The following PCDHGB1 variants were observed in gnomAD, a reference collection of about 807,000 sequenced individuals.
PCDHGB1 encodes protocadherin gamma subfamily B, 1, also known as protocadherin gamma-B1.
Under a neutral mutation model 56.6 loss-of-function variants are expected in PCDHGB1, and 34 were observed. The observed-to-expected ratio is 0.60, with a 90% CI of 0.46 to 0.80. The LOEUF is 0.80. Among genes scored for constraint, PCDHGB1 ranks in the 30% least tolerant of loss-of-function variants. The pLI, the probability that PCDHGB1 is intolerant of heterozygous loss-of-function variation, is 0.00. For synonymous variants in PCDHGB1, 561 were observed against 505.9 expected (o/e 1.11, Z -1.46); for missense variants, 1,278 against 1,204.6 (o/e 1.06, Z -0.90).
intron 1 of PCDHGB1, chr5:141,424,133 T>C: frequency 2.2e-6 from 1 of 450,350 alleles, no homozygotes; most frequent in South Asian, 9.6e-5. Flanking sequence ...GTTGATTTAA[T>C]AGCATGCTCC....
In PCDHGB1 at chr5:141,512,517, A is replaced by G. The variant is rs985434754; in HGVS notation, c.*1344A>G. ...GTCCCCAGTGCGCCCCCTAGTGGCC[A>G]TAGCCTGGTTAAAGTTCCCCAGTGC... On this transcript the variant is annotated 3_prime_UTR_variant, in exon 4 of 4. Coordinates refer to ENST00000523390, the MANE Select transcript of PCDHGB1 (RefSeq NM_018922.3). 3 of 152,938 alleles carry G rather than the reference A, an allele frequency of 2.0e-5. No individual in the cohort carries two copies. Among genetic ancestry groups the G allele is most frequent in the African/African-American group, 7.2e-5 (3 of 41,464 alleles). 9.5% of individuals were successfully genotyped at this position (152,938 alleles called of 1,614,324 possible).
chr5:141,468,463 T>G (rs574151637), intron 1 of PCDHGB1: 6 of 152,282 alleles, frequency 3.9e-5, no homozygotes, highest in African/African-American at 1.4e-4. Flanking sequence ...AGCAAGTTAT[T>G]TCTGAGGAGA....
chr5:141,485,563 C>A lies in PCDHGB1; in HGVS notation c.2410-9244C>A. 2 of 1,612,904 alleles carry A rather than the reference C, an allele frequency of 1.2e-6. No individual in the cohort carries two copies. The highest frequency in any genetic ancestry group is 1.7e-6 in the Non-Finnish European group (2 of 1,179,034). ...AGATCGTAGATGTGAATGATCACGC[C>A]CCCCGTTTTCCGCGGCAGCAGCTGG... On this transcript the variant is annotated intron_variant, in intron 1 of 3. Coordinates refer to ENST00000523390, the MANE Select transcript of PCDHGB1 (RefSeq NM_018922.3). This position sits in a 1 kb window ranked among gnomAD's most constrained non-coding sequence, Gnocchi z 5.7.
intron 1 of PCDHGB1, chr5:141,393,024 A>G (rs755325492): frequency 6.2e-7 from 1 of 1,613,834 alleles, no homozygotes; most frequent in East Asian, 2.2e-5. Context: ...CTCCAGAGGT[A>G]GGACGCAGCT....
intron 1 of PCDHGB1, chr5:141,383,907 A>G: frequency 6.2e-7 from 1 of 1,613,958 alleles, no homozygotes; most frequent in Non-Finnish European, 8.5e-7. Flanking sequence ...TACTGATCAC[A>G]GTTTTAGATG....
rs985430498 is a variant in PCDHGB1 at position 141,387,945 on chromosome 5, C to T, written c.2409+35276C>T. The T allele has an allele frequency of 4.0e-6, 6 of 1,484,034 alleles. No homozygotes were observed. The African/African-American group carries it at 8.5e-5, about 21-fold the overall frequency. The allele number at this position is 1,484,034 out of a possible 1,614,324, so 91.9% of individuals were successfully genotyped here. A position where few individuals can be genotyped will look rare whatever the true frequency, so the allele number is the denominator to read the frequency against. On this transcript the variant is annotated intron_variant, in intron 1 of 3. Coordinates refer to ENST00000523390, the MANE Select transcript of PCDHGB1 (RefSeq NM_018922.3). ...GAGGCTGCCAGTGCTCTTTCTCTTC[C>T]TGCTGTCTTTGTTCTGCCCGGCGCT...
At chr5:141,383,544 T>A (rs1273578608) in intron 1 of PCDHGB1, 21 of 1,612,498 alleles carry the variant, frequency 1.3e-5, no homozygotes, top group Non-Finnish European at 1.8e-5. Context: ...TCACAGCCTC[T>A]GATGGCGGCG....
intron 1 of PCDHGB1, chr5:141,370,622 C>T: frequency 1.9e-6 from 3 of 1,613,902 alleles, no homozygotes; most frequent in Non-Finnish European, 2.5e-6. Context: ...AATTCTTTAC[C>T]GTGAGCCCCG....
chr5:141,384,818 A>G, intron 1 of PCDHGB1: 1 of 1,613,488 alleles, frequency 6.2e-7, no homozygotes, highest in East Asian at 2.2e-5. Context: ...GCCCTCAAGC[A>G]GAGCCTCGTG....
rs1758505116 is a variant in PCDHGB1, at chr5:141,350,563, A to G, written c.303A>G (p.Leu101=). ...KICGRKLECA[L]EFETVAENPM... The stretch of plus-strand genomic sequence containing the variant: ...GCGGAAGGAAACTTGAGTGTGCACT[A>G]GAATTCGAAACGGTCGCTGAAAACC... The change falls in exon 1 of 4, where the codon CTA becomes CTG. Residue 101 remains leucine, a synonymous_variant. Coordinates refer to ENST00000523390, the MANE Select transcript of PCDHGB1 (RefSeq NM_018922.3). 10 of 1,614,080 alleles carry G rather than the reference A, an allele frequency of 6.2e-6. No individual in the cohort carries two copies. The highest frequency in any genetic ancestry group is 8.5e-6 in the Non-Finnish European group (10 of 1,179,892).
intron 1 of PCDHGB1, chr5:141,399,985 G>A (rs775731140): frequency 6.2e-7 from 1 of 1,612,396 alleles, no homozygotes; most frequent in South Asian, 1.1e-5. Flanking sequence ...GCTGCGCACA[G>A]GAGAGGTGCG....
intron 1 of PCDHGB1, chr5:141,364,748 G>A: frequency 1.2e-6 from 2 of 1,613,978 alleles, no homozygotes; most frequent in South Asian, 1.1e-5. Flanking sequence ...AGAGTTAAAA[G>A]TAAAAGTTAA....
chr5:141,384,973 T>C, intron 1 of PCDHGB1: 1 of 1,613,956 alleles, frequency 6.2e-7, no homozygotes, highest in Non-Finnish European at 8.5e-7. Flanking sequence ...CCTCACGTTG[T>C]ACCTGGTGGT....
intron 1 of PCDHGB1, among the ~76,000 whole-genome samples, chr5:141,453,080 A>T (rs1323212808): frequency 6.6e-6 from 1 of 151,960 alleles, no homozygotes; most frequent in Non-Finnish European, 1.5e-5. Context: ...ACTCTGGTTG[A>T]TTAGTATATT....
intron 1 of PCDHGB1, chr5:141,383,141 G>A (rs781049830): frequency 1.2e-6 from 2 of 1,614,134 alleles, no homozygotes; most frequent in Admixed American, 1.7e-5. Flanking sequence ...AACCAGCGCA[G>A]CGGCAGCTTG....
chr5:141,375,962 C>T (rs763635174), intron 1 of PCDHGB1: 3 of 1,613,226 alleles, frequency 1.9e-6, no homozygotes, highest in African/African-American at 2.7e-5. Flanking sequence ...GGGCGAGGTG[C>T]GCACGGCGCG....
chr5:141,461,389 G>T (rs2099014363), intron 1 of PCDHGB1, among the ~76,000 whole-genome samples: 1 of 152,110 alleles, frequency 6.6e-6, no homozygotes. Context: ...CTGATGATTA[G>T]CGATGTTGAG....
intron 3 of PCDHGB1, 89 bp downstream of exon 3, chr5:141,505,570 C>G: frequency 6.3e-7 from 1 of 1,598,162 alleles, no homozygotes; most frequent in Admixed American, 1.7e-5. Context: ...GACTGGATGT[C>G]AAACCTGTGT....
chr5:141,496,132 C>T (rs865808904), intron 2 of PCDHGB1, among the ~76,000 whole-genome samples: 1 of 152,058 alleles, frequency 6.6e-6, no homozygotes, highest in African/African-American at 2.4e-5. Flanking sequence ...CCCTCACACA[C>T]TGAGCCTTTG....
Sources: gnomAD v4.1 joint callset for allele counts (sites outside exome capture counted in the v4.1 genomes callset) on GRCh38, gnomAD v4.1.1 for gene constraint, Gnocchi (gnomAD v3.1) non-coding constraint, MANE v1.5 for transcripts, NCBI Gene and HGNC (gene_info 2026-07-23, HGNC 2026-07-21) for gene names.